NUP210L: variants seen among roughly 807,000 people sequenced by gnomAD.
The protein encoded by NUP210L is nucleoporin 210 like, also known as nuclear pore membrane glycoprotein 210-like.
In NUP210L, 74 loss-of-function variants were observed where a neutral mutation model predicts 208.5. The ratio of observed to expected loss-of-function variants is 0.35; its 90% CI spans 0.29 to 0.43. The LOEUF (loss-of-function observed/expected upper bound fraction) is 0.43. Among genes scored for constraint, NUP210L ranks in the 20% least tolerant of loss-of-function variants. The pLI is 1.00. For synonymous variants in NUP210L, 780 were observed against 816.9 expected (o/e 0.95, Z 0.77); for missense variants, 1,843 against 2,289.4 (o/e 0.81, Z 3.98).
chr1:154,048,410 C>T (rs1653305049), intron 25 of NUP210L, among the ~76,000 whole-genome samples: 1 of 152,182 alleles, frequency 6.6e-6, no homozygotes, highest in Non-Finnish European at 1.5e-5. Context: ...TATGTTTGAG[C>T]TTTTTCCTTT....
At chr1:154,099,803 G>T (rs985452541) in intron 14 of NUP210L, among the ~76,000 whole-genome samples, 195 bp downstream of exon 14, 3 of 152,316 alleles carry the variant, frequency 2.0e-5, no homozygotes, top group Middle Eastern at 3.4e-3. Context: ...TGTGACAGAA[G>T]CATGAGGGAG....
At position 154,013,061 on chromosome 1, in the gene NUP210L, G is replaced by A. The variant is rs571592617; in HGVS notation, c.4654-691C>T. 6.8e-4 allele frequency among the ~76,000 whole-genome samples: 98 copies of A among 145,136 alleles called. 1 individual carries two copies. In the South Asian group the frequency reaches 9.1e-3, roughly 13 times the overall value. On this transcript the variant is annotated intron_variant, in intron 33 of 39. Coordinates refer to ENST00000368559, the Ensembl canonical transcript of NUP210L. ...TCTTGGCCAGGCGCGGTGGCTCAGA[G>A]CGAGACTCCAAAAAAAAAAAAAGAC...
At chr1:153,992,898 C>G (rs1557897792) in exon 40 of NUP210L, 2 of 1,613,244 alleles carry the variant, frequency 1.2e-6, no homozygotes, top group African/African-American at 1.3e-5. Context: ...GTTGTAGACT[C>G]ATGAAGTGAG....
At chr1:154,020,366 C>A (rs574952071) in intron 32 of NUP210L, among the ~76,000 whole-genome samples, 1 of 152,074 alleles carries the variant, frequency 6.6e-6, no homozygotes, top group South Asian at 2.1e-4. Context: ...ATTTCCTTTT[C>A]TTTTTTTTGA....
At chr1:154,055,892 CAT>C (rs1453825175) in intron 23 of NUP210L, among the ~76,000 whole-genome samples, 1 of 151,932 alleles carries the variant, frequency 6.6e-6, no homozygotes, top group African/African-American at 2.4e-5. Context: ...TTTTTGAACA[CAT>C]ATAAAAGTAG....
At chr1:154,039,190 G>T (rs930839599) in intron 27 of NUP210L, among the ~76,000 whole-genome samples, 1 of 151,410 alleles carries the variant, frequency 6.6e-6, no homozygotes, top group Admixed American at 6.6e-5. Context: ...TTGTAGGACA[G>T]GTCTGGTATT....
intron 2 of NUP210L, among the ~76,000 whole-genome samples, chr1:154,146,312 T>C (rs779067797): frequency 6.6e-5 from 10 of 152,040 alleles, no homozygotes; most frequent in Non-Finnish European, 1.2e-4. Flanking sequence ...ACATAAATAA[T>C]TGAATAAATT....
In NUP210L at chr1:154,018,918, TAC is replaced by T; in HGVS notation, c.4653+13_4653+14del. 1 of 1,613,736 alleles carries T rather than the reference TAC, an allele frequency of 6.2e-7. No individual in the cohort carries two copies. Among genetic ancestry groups the T allele is most frequent in the Non-Finnish European group, 8.5e-7 (1 of 1,179,822 alleles). On this transcript the variant is annotated intron_variant, in intron 33 of 39. Transcript: ENST00000368559. ...GTCACCCTAGTCTCTTAAACTCTGA[TAC>T]AGTTATGTTTACCTCTCGATATGTT...
At chr1:154,003,015 T>TG (rs1165333773) in intron 35 of NUP210L, among the ~76,000 whole-genome samples, 1 of 151,316 alleles carries the variant, frequency 6.6e-6, no homozygotes, top group Non-Finnish European at 1.5e-5. Flanking sequence ...CTGTCTTTTT[T>TG]TTTTTTTTTT....
intron 27 of NUP210L, among the ~76,000 whole-genome samples, chr1:154,042,927 G>C (rs1652970795): frequency 6.7e-6 from 1 of 148,602 alleles, no homozygotes; most frequent in African/African-American, 2.5e-5. Context: ...GCTCAGGCTG[G>C]TCTTGAACTC....
At chr1:154,096,793 G>A (rs1656200346) in intron 14 of NUP210L, among the ~76,000 whole-genome samples, 1 of 150,794 alleles carries the variant, frequency 6.6e-6, no homozygotes, top group Admixed American at 6.6e-5. Flanking sequence ...TGCCATACAA[G>A]TTTTTGGCCA....
chr1:154,023,143 T>C, exon 31 of NUP210L: 2 of 1,613,960 alleles, frequency 1.2e-6, no homozygotes, highest in East Asian at 4.5e-5. Context: ...CAGATAAAGC[T>C]GGGTATTGTG....
intron 25 of NUP210L, 85 bp downstream of exon 25, chr1:154,054,143 C>G: frequency 1.4e-6 from 2 of 1,403,018 alleles, no homozygotes; most frequent in East Asian, 4.6e-5. Context: ...TGCTGACACC[C>G]TCCTCATTAC....
intron 1 of NUP210L, among the ~76,000 whole-genome samples, chr1:154,153,693 G>C (rs1193028950): frequency 6.6e-6 from 1 of 152,120 alleles, no homozygotes; most frequent in Admixed American, 6.5e-5. Flanking sequence ...TAATCCTCCT[G>C]CCTTGGCCTC....
chr1:154,006,553 G>A (rs973170305), intron 35 of NUP210L, among the ~76,000 whole-genome samples: 2 of 151,774 alleles, frequency 1.3e-5, no homozygotes, highest in African/African-American at 4.8e-5. Flanking sequence ...GAGTGAAGTG[G>A]CACGATCTCG....
chr1:154,104,153 T>G, exon 13 of NUP210L: 1 of 1,614,012 alleles, frequency 6.2e-7, no homozygotes, highest in Non-Finnish European at 8.5e-7. Flanking sequence ...ATCTGGCCAA[T>G]CTCCACATCA....
At chr1:154,140,678 CAGAAAAAGAAA>C (rs1411882077) in intron 4 of NUP210L, among the ~76,000 whole-genome samples, 2 of 111,130 alleles carry the variant, frequency 1.8e-5, no homozygotes, top group Non-Finnish European at 2.0e-5. Context: ...AAAAAAAAAA[CAGAAAAAGAAA>C]AGAAAAAGAA....
intron 29 of NUP210L, among the ~76,000 whole-genome samples, chr1:154,027,217 G>A (rs577645903): frequency 1.6e-4 from 24 of 152,126 alleles, no homozygotes; most frequent in South Asian, 8.3e-4. Flanking sequence ...CAGGGGCTGC[G>A]AGGAGGAAAG....
At chr1:154,009,624 TAAAAAAAAAAA>T (rs35760411) in intron 35 of NUP210L, among the ~76,000 whole-genome samples, 4 of 55,432 alleles carry the variant, frequency 7.2e-5, no homozygotes, top group African/African-American at 2.1e-4. Flanking sequence ...ACGTTGCTCT[TAAAAAAAAAAA>T]AAAAAAAAAA....
Sources: gnomAD v4.1 joint callset for allele counts (sites outside exome capture counted in the v4.1 genomes callset) on GRCh38, gnomAD v4.1.1 for gene constraint, MANE v1.5 for transcripts, NCBI Gene and HGNC (gene_info 2026-07-23, HGNC 2026-07-21) for gene names.